Variants in APBA2 observed in about 807,000 individuals in gnomAD.
APBA2 encodes amyloid-beta A4 precursor protein-binding family A member 2.
Under a neutral mutation model 75.0 loss-of-function variants are expected in APBA2, and 30 were observed. That is an observed-to-expected ratio of 0.40 (90% CI 0.30 to 0.54). The LOEUF is 0.54. Ranked by LOEUF, APBA2 falls within the 20% of genes least tolerant of loss-of-function variation. The probability of loss-of-function intolerance (pLI) is 0.49; values close to 1 mark genes in which losing one functional copy is unlikely to be tolerated. For missense variants in APBA2, 801 were observed against 1,016.1 expected, an observed-to-expected ratio of 0.79 and a Z score of 2.88; for synonymous variants, 444 against 409.6, an observed-to-expected ratio of 1.08 and a Z score of -1.01.
chr15:28,887,430 T>A (rs2031820464), intron 1 of APBA2, among the ~76,000 whole-genome samples: 1 of 152,220 alleles, frequency 6.6e-6, no homozygotes, highest in South Asian at 2.1e-4. Context: ...AGGTGCAGGT[T>A]GGCAGGTGCC....
chr15:29,036,142 C>T (rs974315792), intron 3 of APBA2, among the ~76,000 whole-genome samples: 13 of 152,186 alleles, frequency 8.5e-5, no homozygotes, highest in Non-Finnish European at 1.5e-4. Flanking sequence ...GCAGAGCCCT[C>T]ACCCCCCTAT....
At chr15:29,083,993 A>ATTCAAT (rs2043187899) in intron 6 of APBA2, among the ~76,000 whole-genome samples, 1 of 152,252 alleles carries the variant, frequency 6.6e-6, no homozygotes, top group Non-Finnish European at 1.5e-5. Context: ...TTTCATAAAA[A>ATTCAAT]TTCAACACAT....
chr15:28,909,136 G>A (rs1177933425), intron 1 of APBA2, among the ~76,000 whole-genome samples: 2 of 151,814 alleles, frequency 1.3e-5, no homozygotes, highest in East Asian at 1.9e-4. Flanking sequence ...ACAGGCGCCC[G>A]CCACCATGCC....
intron 2 of APBA2, among the ~76,000 whole-genome samples, chr15:28,972,534 TATAAC>T (rs1279428786): frequency 1.3e-5 from 2 of 152,226 alleles, no homozygotes; most frequent in Non-Finnish European, 2.9e-5. Context: ...GTGTCAGACT[TATAAC>T]AACAACAAAG....
chr15:28,997,625 T>C (rs1179283368), intron 3 of APBA2, among the ~76,000 whole-genome samples: 8 of 152,192 alleles, frequency 5.3e-5, no homozygotes, highest in African/African-American at 1.9e-4. Flanking sequence ...CCATCCACCC[T>C]CTAGGGACTG....
intron 13 of APBA2, among the ~76,000 whole-genome samples, chr15:29,113,490 G>T (rs958979339): frequency 1.3e-4 from 19 of 151,972 alleles, no homozygotes; most frequent in Non-Finnish European, 7.4e-5. Flanking sequence ...CTCCTTTCCC[G>T]CCCGCCCATC....
At chr15:28,907,757 G>T (rs570967814) in intron 1 of APBA2, among the ~76,000 whole-genome samples, 3 of 152,144 alleles carry the variant, frequency 2.0e-5, no homozygotes, top group Non-Finnish European at 4.4e-5. Context: ...AAATGAATGG[G>T]CACCTGAGCC....
At chr15:28,986,752 C>G (rs184132664) in intron 2 of APBA2, among the ~76,000 whole-genome samples, 1 of 152,308 alleles carries the variant, frequency 6.6e-6, no homozygotes, top group African/African-American at 2.4e-5. Flanking sequence ...CAGGCATGAG[C>G]TACTGCTCCT....
chr15:28,964,163 T>A (rs547656806), intron 2 of APBA2, among the ~76,000 whole-genome samples: 3 of 152,362 alleles, frequency 2.0e-5, no homozygotes, highest in East Asian at 1.9e-4. Flanking sequence ...TTTTTATTCC[T>A]CTATGATCAA....
intron 13 of APBA2, among the ~76,000 whole-genome samples, chr15:29,113,359 G>T (rs1418002782): frequency 6.6e-6 from 1 of 152,056 alleles, no homozygotes; most frequent in African/African-American, 2.4e-5. Flanking sequence ...GGCGGGGGGG[G>T]GATGTAGGAA....
chr15:28,931,783 TCAGTAATTTAAAATTA>T (rs2034578093), intron 2 of APBA2, among the ~76,000 whole-genome samples: 1 of 152,252 alleles, frequency 6.6e-6, no homozygotes, highest in Non-Finnish European at 1.5e-5. Flanking sequence ...ATTCAAATTA[TCAGTAATTTAAAATTA>T]CAATTTTAGT....
At position 29,106,669 on chromosome 15, in the gene APBA2, C is replaced by T. The variant is rs1214934934; in HGVS notation, c.1767C>T (p.Gly589=). ...TGGTGGTGGTGGAGTCGGGCTGGGG[C>T]TCCATCCTGCCCACGGTGATCCTGG... is the stretch of plus-strand genomic sequence containing the variant. ...LGVVVVESGW[G]SILPTVILAN... The change falls in exon 12 of 15, where the codon GGC becomes GGT. Residue 589 remains glycine (G), a synonymous_variant. Coordinates refer to ENST00000683413, the MANE Select transcript of APBA2 (RefSeq NM_001353788.2). 1 of 1,613,006 alleles carries T rather than the reference C, an allele frequency of 6.2e-7. No homozygotes were observed.
intron 5 of APBA2, among the ~76,000 whole-genome samples, chr15:29,075,381 C>A (rs1299260756): frequency 1.3e-5 from 2 of 152,114 alleles, no homozygotes; most frequent in Non-Finnish European, 2.9e-5. Flanking sequence ...ACATTGAGGC[C>A]TAGGTAATAC....
chr15:28,974,969 G>T (rs1175027846), intron 2 of APBA2, among the ~76,000 whole-genome samples: 1 of 152,010 alleles, frequency 6.6e-6, no homozygotes, highest in Non-Finnish European at 1.5e-5. Flanking sequence ...CTACATCCTA[G>T]AAAAAGAATC....
At chr15:29,114,802 GGGT>G (rs1013022476) in intron 14 of APBA2, among the ~76,000 whole-genome samples, 45 of 151,548 alleles carry the variant, frequency 3.0e-4, no homozygotes, top group African/African-American at 1.1e-3. Flanking sequence ...GTGTGTGTGT[GGGT>G]GAGTGTATGC....
chr15:29,044,342 G>A (rs1360183105), intron 3 of APBA2: 2 of 152,120 alleles, frequency 1.3e-5, no homozygotes, highest in Middle Eastern at 3.2e-3. Context: ...GCACGGTGTC[G>A]GGGGCCGCAT....
intron 6 of APBA2, among the ~76,000 whole-genome samples, chr15:29,083,282 G>A (rs2043157504): frequency 6.6e-6 from 1 of 151,982 alleles, no homozygotes; most frequent in Non-Finnish European, 1.5e-5. Flanking sequence ...TGCCTTTACC[G>A]TACCCAAATC....
chr15:29,014,423 A>G (rs1363501868), intron 3 of APBA2, among the ~76,000 whole-genome samples: 1 of 152,214 alleles, frequency 6.6e-6, no homozygotes, highest in African/African-American at 2.4e-5. Flanking sequence ...TGATCCCAAA[A>G]CAATCCTTTA....
intron 2 of APBA2, among the ~76,000 whole-genome samples, chr15:28,949,577 T>A: frequency 6.6e-6 from 1 of 152,144 alleles, no homozygotes; most frequent in East Asian, 1.9e-4. Context: ...CAAGCGATCC[T>A]CCCACCTCAG....
Sources: gnomAD v4.1 joint callset for allele counts (sites outside exome capture counted in the v4.1 genomes callset) on GRCh38, gnomAD v4.1.1 for gene constraint, MANE v1.5 for transcripts, NCBI Gene and HGNC (gene_info 2026-07-23, HGNC 2026-07-21) for gene names.